ZSCAN18: variants seen among roughly 807,000 people sequenced by gnomAD.
The protein encoded by ZSCAN18 is zinc finger and SCAN domain containing 18.
Under a neutral mutation model 31.1 loss-of-function variants are expected in ZSCAN18, and 16 were observed. The observed-to-expected ratio is 0.51, with a 90% CI of 0.35 to 0.78. The LOEUF (loss-of-function observed/expected upper bound fraction) is 0.78, where lower values mean the gene tolerates loss of function less well. Among genes scored for constraint, ZSCAN18 ranks in the 30% least tolerant of loss-of-function variants. The pLI is 0.01. For missense variants in ZSCAN18, 731 were observed against 697.4 expected (o/e 1.05, Z -0.54); for synonymous variants, 375 against 320.7 (o/e 1.17, Z -1.81).
At position 58,104,386 on chromosome 19, in the gene ZSCAN18, ACAAAACAAAACAAAAC is replaced by A. The variant is rs1568642713; in HGVS notation, c.130+13865_130+13880del. On this transcript the variant is annotated intron_variant, in intron 1 of 1. Coordinates refer to the ZSCAN18 transcript ENST00000595721. ...AGAGTGAGGCTGTCTCAAAAACAAA[ACAAAACAAAACAAAAC>A]AAAAAAAAAGTCTGGGCCGGGTGTG... is the stretch of plus-strand genomic sequence containing the variant. 1.3e-3 allele frequency among the ~76,000 whole-genome samples: 190 copies of A among 143,102 alleles called. 3 individuals carry two copies. Among genetic ancestry groups the A allele is most frequent in the African/African-American group, 5.5e-3 (185 of 33,808 alleles). 93.9% of individuals were successfully genotyped at this position (143,102 alleles called of 152,430 possible).
chr19:58,102,973 T>G (rs2074607059), upstream of ZSCAN18, among the ~76,000 whole-genome samples: 1 of 151,808 alleles, frequency 6.6e-6, no homozygotes, highest in African/African-American at 2.4e-5. Flanking sequence ...AATACAGAAA[T>G]TAGCTGGGTG....
chr19:58,097,059 G>A (rs1273654769), intron 1 of ZSCAN18, among the ~76,000 whole-genome samples: 1 of 152,136 alleles, frequency 6.6e-6, no homozygotes, highest in Non-Finnish European at 1.5e-5. Context: ...CTGACTCCAG[G>A]GCAGGAAACC....
chr19:58,113,979 AAAT>A (rs1375533294), intron 1 of ZSCAN18, among the ~76,000 whole-genome samples: 19 of 151,946 alleles, frequency 1.3e-4, no homozygotes, highest in African/African-American at 4.6e-4. Context: ...CCAGCTCAAA[AAAT>A]AATAAGGCTG....
intron 5 of ZSCAN18, chr19:58,086,671 C>T: frequency 1.9e-6 from 1 of 517,708 alleles, no homozygotes; most frequent in Non-Finnish European, 3.4e-6. Flanking sequence ...GCCAGGAGGC[C>T]TTTCCAAATT....
chr19:58,105,147 G>A (rs1261228716), intron 1 of ZSCAN18, among the ~76,000 whole-genome samples: 1 of 152,206 alleles, frequency 6.6e-6, no homozygotes, highest in East Asian at 1.9e-4. Context: ...AAGCCTGGAT[G>A]ACAGTACGTG....
exon 1 of ZSCAN18, chr19:58,118,344 T>G: frequency 3.9e-6 from 6 of 1,532,896 alleles, no homozygotes; most frequent in Non-Finnish European, 5.3e-6. Flanking sequence ...AGGACGGAAC[T>G]CACTTCCCGC....
chr19:58,097,241 A>T (rs2146007463), intron 1 of ZSCAN18, among the ~76,000 whole-genome samples: 1 of 152,230 alleles, frequency 6.6e-6, no homozygotes, highest in Non-Finnish European at 1.5e-5. Context: ...GGAAGGTAGC[A>T]GGGAGAGAGA....
intron 3 of ZSCAN18, chr19:58,088,377 C>T (rs944386051): frequency 6.8e-5 from 18 of 263,862 alleles, no homozygotes; most frequent in Admixed American, 2.7e-4. Flanking sequence ...CATGAGGGGA[C>T]GTGCATCAGG....
intron 1 of ZSCAN18, among the ~76,000 whole-genome samples, chr19:58,112,834 C>T (rs1279938222): frequency 6.7e-6 from 1 of 148,986 alleles, no homozygotes; most frequent in Non-Finnish European, 1.5e-5. Flanking sequence ...AACTGTAATC[C>T]CAGCTACTCG....
chr19:58,092,155 T>C (rs2074425639), intron 1 of ZSCAN18, among the ~76,000 whole-genome samples: 1 of 152,174 alleles, frequency 6.6e-6, no homozygotes, highest in Non-Finnish European at 1.5e-5. Context: ...GGATTTCTTC[T>C]TTGGTTGGTG....
chr19:58,085,495 C>T lies in ZSCAN18; in HGVS notation c.839-116G>A, dbSNP rs1022796651. 30 of 906,328 alleles carry T rather than the reference C, an allele frequency of 3.3e-5. No individual in the cohort carries two copies. The African/African-American group carries it at 5.0e-4, about 15-fold the overall frequency. The allele number at this position is 906,328 out of a possible 1,614,324, so 56.1% of individuals were successfully genotyped here. A position where few individuals can be genotyped will look rare whatever the true frequency, so the allele number is the denominator to read the frequency against. The stretch of plus-strand genomic sequence containing the variant: ...CAGGGCTCCGGGCTCTGGATCCCCG[C>T]GGGGCTCACGGCTGTTTGGAAGCAG... On this transcript the variant is annotated intron_variant, in intron 6 of 6. Coordinates refer to ENST00000601144, the MANE Select transcript of ZSCAN18 (RefSeq NM_001145543.2).
intron 1 of ZSCAN18, among the ~76,000 whole-genome samples, chr19:58,097,288 G>A (rs932776143): frequency 8.5e-5 from 13 of 152,212 alleles, no homozygotes; most frequent in African/African-American, 3.1e-4. Flanking sequence ...GGGAAAGCCA[G>A]ATAGTCTGGA....
At chr19:58,114,618 GC>G (rs576235697) in intron 1 of ZSCAN18, among the ~76,000 whole-genome samples, 3 of 151,880 alleles carry the variant, frequency 2.0e-5, no homozygotes, top group South Asian at 4.2e-4. Context: ...ACACACATAT[GC>G]CCCCAAATAT....
rs541139992 is a variant in ZSCAN18, at chr19:58,090,957, A to G, written c.-119-571T>C. ...AATGAAAAATTACTTGACAATCTCT[A>G]TGTAAACCTGGATGTAAAAACCTTG... On this transcript the variant is annotated intron_variant, in intron 1 of 6. Transcript: ENST00000601144. The surrounding 1 kb of genome is among the most constrained non-coding windows in gnomAD (Gnocchi z 4.7). Among the ~76,000 whole-genome samples the G allele has an allele frequency of 3.3e-5, 5 of 152,062 alleles. No homozygotes were observed. The highest frequency in any genetic ancestry group is 3.3e-4 in the Admixed American group (5 of 15,260).
chr19:58,084,559 G>A lies in ZSCAN18; in HGVS notation c.*126C>T. 1.0e-6 allele frequency: 1 copy of A among 968,728 alleles called. No homozygotes were observed. The highest frequency in any genetic ancestry group is 1.4e-6 in the Non-Finnish European group (1 of 698,790). 60.0% of individuals were successfully genotyped at this position (968,728 alleles called of 1,614,324 possible). ...GCTTAGCCTCAGGAGCGGATTCAGG[G>A]CACAGGCAGAGGACGTCCACAAACA... On this transcript the variant is annotated 3_prime_UTR_variant, in exon 7 of 7. Transcript: ENST00000601144. The surrounding 1 kb of genome is among the most constrained non-coding windows in gnomAD (Gnocchi z 4.5).
At chr19:58,104,226 A>G (rs941506406) in intron 1 of ZSCAN18, among the ~76,000 whole-genome samples, 3 of 152,106 alleles carry the variant, frequency 2.0e-5, no homozygotes, top group African/African-American at 7.2e-5. Context: ...TAAAAATACA[A>G]AAATTAGCTG....
chr19:58,101,013 C>A (rs1260404526), upstream of ZSCAN18, among the ~76,000 whole-genome samples: 1 of 152,156 alleles, frequency 6.6e-6, no homozygotes, highest in Non-Finnish European at 1.5e-5. Context: ...AATATCTTTG[C>A]AGGTCTATTT....
intron 1 of ZSCAN18, chr19:58,092,473 GC>G: frequency 6.6e-6 from 1 of 152,126 alleles, no homozygotes; most frequent in South Asian, 2.1e-4. Flanking sequence ...TACTCAGGAG[GC>G]CTGAGGCAGG....
At chr19:58,113,290 T>A (rs1165445137) in intron 1 of ZSCAN18, among the ~76,000 whole-genome samples, 2 of 151,256 alleles carry the variant, frequency 1.3e-5, no homozygotes, top group Non-Finnish European at 2.9e-5. Flanking sequence ...CACTCAAGCC[T>A]GGGTGACAAA....
Sources: allele counts gnomAD v4.1 joint callset (sites outside exome capture counted in the v4.1 genomes callset), GRCh38; gene constraint gnomAD v4.1.1; non-coding constraint Gnocchi (gnomAD v3.1); transcripts MANE v1.5; gene names NCBI Gene and HGNC (gene_info 2026-07-23, HGNC 2026-07-21).